Variants in IRS1 observed in about 807,000 individuals in gnomAD.
IRS1 encodes the protein insulin receptor substrate 1.
IRS1 carries 34 observed loss-of-function variants against 65.6 expected under a neutral mutation model. That is an observed-to-expected ratio of 0.52 (90% confidence interval 0.39 to 0.69). The LOEUF is 0.69. Among genes scored for constraint, IRS1 ranks in the 30% least tolerant of loss-of-function variants. The probability of loss-of-function intolerance (pLI) is 0.00; values close to 1 mark genes in which losing one functional copy is unlikely to be tolerated. For synonymous variants in IRS1, 699 were observed against 683.5 expected (o/e 1.02, Z -0.35); for missense variants, 1,641 against 1,720.2 (o/e 0.95, Z 0.81).
chr2:226,743,934 T>C (rs1376039652), intron 1 of IRS1, among the ~76,000 whole-genome samples: 1 of 152,248 alleles, frequency 6.6e-6, no homozygotes, highest in Non-Finnish European at 1.5e-5. Flanking sequence ...CTTTGCTTTT[T>C]TTGTTAAAAA....
chr2:226,774,650 C>G lies in IRS1; in HGVS notation c.*21+20339G>C, dbSNP rs148267188. Among the ~76,000 whole-genome samples the G allele has an allele frequency of 5.0e-3, 757 of 152,238 alleles. 6 individuals are homozygous for G. The highest frequency in any genetic ancestry group is 0.018 in the African/African-American group (727 of 41,540). ...TTTAGTATTAAAGGAAAGCTGAGAC[C>G]TGACTTCACAAATGTCTTCAAACAC... is the stretch of plus-strand genomic sequence containing the variant. On this transcript the variant is annotated intron_variant, in intron 1 of 1. Transcript: ENST00000305123.
chr2:226,791,657 G>A (rs1000318685), intron 1 of IRS1, among the ~76,000 whole-genome samples: 2 of 151,968 alleles, frequency 1.3e-5, no homozygotes, highest in African/African-American at 2.4e-5. Flanking sequence ...ACCACCGCCA[G>A]GGGACCCGCG....
At chr2:226,784,256 T>C (rs1939444467) in intron 1 of IRS1, among the ~76,000 whole-genome samples, 1 of 152,286 alleles carries the variant, frequency 6.6e-6, no homozygotes, top group South Asian at 2.1e-4. Context: ...CTTTAACAGC[T>C]TTTTAAAAAT....
rs771049966 is a variant in IRS1 at position 226,795,707 on chromosome 2, C to T, written c.3032G>A (p.Ser1011Asn). 1.2e-6 allele frequency: 2 copies of T among 1,613,430 alleles called. No individual in the cohort carries two copies. The highest frequency in any genetic ancestry group is 1.7e-6 in the Non-Finnish European group (2 of 1,180,018). The change falls in exon 1 of 2, where the codon AGC becomes AAC. Residue 1011 changes from serine to asparagine, a missense_variant. Physicochemically the swap from Ser to Asn is conservative, Grantham distance 46 (BLOSUM62 1). Around this residue, in one of 3 missense-constraint regions of IRS1, gnomAD observed 1,324 missense variants for 1,361.0 expected, o/e 0.97. Coordinates refer to ENST00000305123, the MANE Select transcript of IRS1 (RefSeq NM_005544.3). ...YVDTSPAAPVSYADMRTGIAA... is the reference protein window; with the variant it reads ...YVDTSPAAPVNYADMRTGIAA... ...AATGCCTGTTCGCATGTCAGCATAG[C>T]TTACAGGGGCAGCTGGCGAGGTGTC...
chr2:226,795,031 C>T lies in IRS1; in HGVS notation c.3708G>A (p.Lys1236=), dbSNP rs147246870. 46 of 1,608,784 alleles carry T rather than the reference C, an allele frequency of 2.9e-5. No individual in the cohort carries two copies. In the African/African-American group the frequency reaches 5.8e-4, roughly 20 times the overall value. ...LSAYASISFQ[K]QPEDRQ ...TGAGCTACTGACGGTCCTCTGGCTGCTTCTGGAAACTGATGCTGGCATAGG... is the reference window on the plus strand; with the variant it reads ...TGAGCTACTGACGGTCCTCTGGCTGTTTCTGGAAACTGATGCTGGCATAGG... Residue 1236 remains lysine (K), a synonymous_variant, in exon 1 of 2, where the codon AAG becomes AAA. Coordinates refer to ENST00000305123, the MANE Select transcript of IRS1 (RefSeq NM_005544.3).
At position 226,797,989 on chromosome 2, in the gene IRS1, G is replaced by A. The variant is rs371260998; in HGVS notation, c.750C>T (p.His250=). The A allele has an allele frequency of 1.2e-5, 20 of 1,614,098 alleles. No individual in the cohort carries two copies. The African/African-American group carries it at 1.7e-4, about 14-fold the overall frequency. The change falls in exon 1 of 2, where the codon CAC becomes CAT. Residue 250 remains histidine (H), a synonymous_variant. Transcript: ENST00000305123. The surrounding 1 kb of genome is among the most constrained non-coding windows in gnomAD (Gnocchi z 8.1). Reference sequence around the variant, plus strand: ...CCCGCATGGCCTCCAGGATGGTCTCGTGCATGTTCTGGGCCACCACAGAGT... The same window carrying A: ...CCCGCATGGCCTCCAGGATGGTCTCATGCATGTTCTGGGCCACCACAGAGT... ...VDDSVVAQNM[H]ETILEAMRAM... is the part of the protein sequence containing the mutation.
rs1448309277 is a variant in IRS1 at position 226,795,422 on chromosome 2, G to A, written c.3317C>T (p.Ser1106Leu). The A allele has an allele frequency of 6.2e-7, 1 of 1,613,548 alleles. No homozygotes were observed. The highest frequency in any genetic ancestry group is 8.5e-7 in the Non-Finnish European group (1 of 1,180,028). The change falls in exon 1 of 2, where the codon TCA (serine) becomes TTA (leucine). Residue 1106 changes from serine (S) to leucine (L), a missense_variant. This residue lies in a region of IRS1 where 1,324 missense variants were observed against 1,361.0 expected (regional missense o/e 0.97). Transcript: ENST00000305123. ...GCCCACCCGGGTGGCACTGGGTGTT[G>A]AGGAGAAAGTCTCGGAGCTATGCCT... ...RRRHSSETFSSTPSATRVGNT... is the reference protein window; with the variant it reads ...RRRHSSETFSLTPSATRVGNT...
intron 1 of IRS1, among the ~76,000 whole-genome samples, chr2:226,771,377 C>A (rs1214579378): frequency 6.6e-6 from 1 of 152,110 alleles, no homozygotes; most frequent in Non-Finnish European, 1.5e-5. Context: ...TCGGCTCCAC[C>A]ACTCAAGGAA....
chr2:226,796,674 C>T lies in IRS1; in HGVS notation c.2065G>A (p.Val689Ile), dbSNP rs141094678. Residue 689 changes from valine (V) to isoleucine (I), a missense_variant, in exon 1 of 2, where the codon GTC (valine) becomes ATC (isoleucine). Physicochemically the swap from Val to Ile is conservative, Grantham distance 29. Around this residue, in one of 3 missense-constraint regions of IRS1, gnomAD observed 1,324 missense variants for 1,361.0 expected, o/e 0.97. Coordinates refer to ENST00000305123, the MANE Select transcript of IRS1 (RefSeq NM_005544.3). ...TTTCCATAGCTGGTCCCGGAAGGGA[C>T]GGCGTTGCTGCTGCTGCTGCTGCTG... is the stretch of plus-strand genomic sequence containing the variant. Reference protein sequence around the residue: ...PSSSSSSSNAVPSGTSYGKLW... With the variant: ...PSSSSSSSNAIPSGTSYGKLW... The T allele has an allele frequency of 1.6e-4, 265 of 1,613,450 alleles. 1 individual carries two copies. Among genetic ancestry groups the T allele is most frequent in the Middle Eastern group, 8.3e-4 (5 of 6,060 alleles).
In IRS1 at chr2:226,796,072, C is replaced by A; in HGVS notation, c.2667G>T (p.Glu889Asp). 1 of 1,613,962 alleles carries A rather than the reference C, an allele frequency of 6.2e-7. No homozygotes were observed. Among genetic ancestry groups the A allele is most frequent in the Non-Finnish European group, 8.5e-7 (1 of 1,180,036 alleles). ...TGACATATTCCCCCGGGCTCTTGGG[C>A]TCTGGAGGGTGCAGCAAGGGCTGCT... ...QQQQPLLHPP[E>D]PKSPGEYVNI... The change falls in exon 1 of 2, where the codon GAG becomes GAT. Residue 889 changes from glutamate (E) to aspartate (D), a missense_variant. Glu to Asp is a conservative substitution (Grantham distance 45). Transcript: ENST00000305123.
intron 1 of IRS1, among the ~76,000 whole-genome samples, chr2:226,785,039 T>C (rs1239203233): frequency 3.9e-5 from 6 of 152,246 alleles, no homozygotes; most frequent in Non-Finnish European, 8.8e-5. Flanking sequence ...TGTAGTCTTA[T>C]GTATAAAATA....
At chr2:226,753,059 C>T (rs1007972245) in intron 1 of IRS1, among the ~76,000 whole-genome samples, 6 of 152,086 alleles carry the variant, frequency 3.9e-5, no homozygotes, top group African/African-American at 1.4e-4. Context: ...ACAAAATGGC[C>T]CCGAGGGGGT....
At chr2:226,763,004 T>C (rs1938950104) in intron 1 of IRS1, among the ~76,000 whole-genome samples, 1 of 152,172 alleles carries the variant, frequency 6.6e-6, no homozygotes, top group East Asian at 1.9e-4. Flanking sequence ...AAGAGAAAAC[T>C]CATTTGGGAA....
intron 1 of IRS1, among the ~76,000 whole-genome samples, chr2:226,784,829 G>T (rs182899120): frequency 6.6e-5 from 10 of 152,342 alleles, no homozygotes; most frequent in African/African-American, 2.2e-4. Flanking sequence ...AGCAAGAATA[G>T]CAGGGTACCA....
intron 1 of IRS1, among the ~76,000 whole-genome samples, chr2:226,748,316 C>T (rs1938597178): frequency 6.6e-6 from 1 of 150,600 alleles, no homozygotes; most frequent in Non-Finnish European, 1.5e-5. Flanking sequence ...GTAATCCCAG[C>T]AACTCAGGAG....
rs754949899 is a variant in IRS1, at chr2:226,796,049, A to G, written c.2690T>C (p.Val897Ala). 1 of 1,614,050 alleles carries G rather than the reference A, an allele frequency of 6.2e-7. No homozygotes were observed. The highest frequency in any genetic ancestry group is 8.5e-7 in the Non-Finnish European group (1 of 1,180,032). Reference protein sequence around the residue: ...PPEPKSPGEYVNIEFGSDQSG... With the variant: ...PPEPKSPGEYANIEFGSDQSG... ...CTGATCACTCCCAAATTCAATATTGACATATTCCCCCGGGCTCTTGGGCTC... is the reference window on the plus strand; with the variant it reads ...CTGATCACTCCCAAATTCAATATTGGCATATTCCCCCGGGCTCTTGGGCTC... Residue 897 changes from valine to alanine, a missense_variant, in exon 1 of 2, where the codon GTC becomes GCC. Coordinates refer to ENST00000305123, the MANE Select transcript of IRS1 (RefSeq NM_005544.3).
intron 1 of IRS1, among the ~76,000 whole-genome samples, chr2:226,748,147 G>A (rs954181325): frequency 6.6e-6 from 1 of 151,196 alleles, no homozygotes; most frequent in Admixed American, 6.6e-5. Flanking sequence ...ATCCTCAAGG[G>A]CCAGGCATGG....
intron 1 of IRS1, among the ~76,000 whole-genome samples, chr2:226,784,355 T>C (rs1490715000): frequency 6.6e-6 from 1 of 152,130 alleles, no homozygotes; most frequent in East Asian, 1.9e-4. Flanking sequence ...TATTGGTAAG[T>C]CACCAAAAAA....
chr2:226,788,568 T>C (rs1288757114), intron 1 of IRS1, among the ~76,000 whole-genome samples: 2 of 152,200 alleles, frequency 1.3e-5, no homozygotes, highest in African/African-American at 4.8e-5. Context: ...TTATCATACA[T>C]GACAGTACCT....
Sources: allele counts gnomAD v4.1 joint callset (sites outside exome capture counted in the v4.1 genomes callset), GRCh38; gene constraint gnomAD v4.1.1; regional missense constraint gnomAD v4.1.1; non-coding constraint Gnocchi (gnomAD v3.1); transcripts MANE v1.5; gene names NCBI Gene and HGNC (gene_info 2026-07-23, HGNC 2026-07-21).